The following FOXO1 variants were observed in gnomAD, a reference collection of about 807,000 sequenced individuals.
FOXO1 encodes the protein forkhead box O1.
In FOXO1, 6 loss-of-function variants were observed where a neutral mutation model predicts 44.1. The observed-to-expected ratio is 0.14, with a 90% CI of 0.07 to 0.27. The LOEUF is 0.27. Ranked by LOEUF, FOXO1 falls within the 10% of genes least tolerant of loss-of-function variation. FOXO1 has a pLI of 1.00. For synonymous variants in FOXO1, 380 were observed against 362.7 expected (o/e 1.05, Z -0.54); for missense variants, 737 against 888.8 (o/e 0.83, Z 2.17).
chr13:40,617,377 G>A (rs1377810522), intron 1 of FOXO1, among the ~76,000 whole-genome samples: 3 of 152,004 alleles, frequency 2.0e-5, no homozygotes, highest in Non-Finnish European at 2.9e-5. Context: ...CCCAGGAGGC[G>A]GAGGTTGTGG....
intron 1 of FOXO1, among the ~76,000 whole-genome samples, chr13:40,576,319 G>A (rs551073049): frequency 6.6e-6 from 1 of 152,252 alleles, no homozygotes; most frequent in South Asian, 2.1e-4. Flanking sequence ...GACAGCCAGT[G>A]GAAGATCAGA....
chr13:40,566,737 T>G (rs555069795), intron 1 of FOXO1, among the ~76,000 whole-genome samples: 1 of 152,308 alleles, frequency 6.6e-6, no homozygotes, highest in South Asian at 2.1e-4. Context: ...TATTATATAA[T>G]TACACAATAT....
intron 1 of FOXO1, among the ~76,000 whole-genome samples, chr13:40,647,019 C>T (rs777045254): frequency 2.0e-5 from 3 of 152,194 alleles, no homozygotes; most frequent in Non-Finnish European, 2.9e-5. Flanking sequence ...GCTGGTTATT[C>T]TGTGAAACTG....
chr13:40,628,690 C>A (rs955402955), intron 1 of FOXO1, among the ~76,000 whole-genome samples: 12 of 152,208 alleles, frequency 7.9e-5, no homozygotes, highest in African/African-American at 2.9e-4. Flanking sequence ...AACCTACTGA[C>A]AGAAGCAGAT....
intron 1 of FOXO1, among the ~76,000 whole-genome samples, chr13:40,606,485 G>C (rs1445391379): frequency 6.6e-6 from 1 of 151,970 alleles, no homozygotes; most frequent in Non-Finnish European, 1.5e-5. Flanking sequence ...GCTAATTTTT[G>C]TATTTTTAGT....
intron 1 of FOXO1, among the ~76,000 whole-genome samples, chr13:40,594,000 T>C (rs1398276903): frequency 1.3e-5 from 2 of 152,224 alleles, no homozygotes; most frequent in African/African-American, 4.8e-5. Flanking sequence ...TCCAAGGTTT[T>C]CTAATTTCTC....
intron 1 of FOXO1, among the ~76,000 whole-genome samples, chr13:40,650,669 T>C (rs1043955189): frequency 1.8e-4 from 27 of 152,210 alleles, no homozygotes; most frequent in African/African-American, 6.5e-4. Context: ...CAGGTAATTA[T>C]TGAAGCCTGT....
rs1193261169 is a variant in FOXO1, at chr13:40,560,071, T to A, written c.1420A>T (p.Asn474Tyr). 4 of 1,614,066 alleles carry A rather than the reference T, an allele frequency of 2.5e-6. No individual in the cohort carries two copies. The highest frequency in any genetic ancestry group is 3.4e-6 in the Non-Finnish European group (4 of 1,180,010). ...ELLTSDSPPH[N>Y]DIMTPVDPGV... ...GGATCAACTGGTGTCATAATGTCAT[T>A]ATGGGGAGGAGAGTCAGAAGTCAGC... is the stretch of plus-strand genomic sequence containing the variant. Residue 474 changes from asparagine to tyrosine, a missense_variant, in exon 2 of 3, where the codon AAT (asparagine) becomes TAT (tyrosine). Asn to Tyr is a moderately radical substitution (Grantham distance 143, BLOSUM62 -2). This residue lies in a region of FOXO1 where 283 missense variants were observed against 278.1 expected (regional missense o/e 1.02). Coordinates refer to ENST00000379561, the MANE Select transcript of FOXO1 (RefSeq NM_002015.4). This position sits in a 1 kb window ranked among gnomAD's most constrained non-coding sequence, Gnocchi z 5.1.
Position 40,666,118 on chromosome 13 carries a change from A to T in FOXO1, c.95T>A (p.Phe32Tyr), listed in dbSNP as rs866785231. Residue 32 changes from phenylalanine (F) to tyrosine (Y), a missense_variant, in exon 1 of 3, where the codon TTT (phenylalanine) becomes TAT (tyrosine). Coordinates refer to ENST00000379561, the MANE Select transcript of FOXO1 (RefSeq NM_002015.4). ...GGAGGTGGCCGAGTTGGACTGGCTA[A>T]ACTCCGGCCTGGGCAGCGGCCAGGT... ...SCTWPLPRPE[F>Y]SQSNSATSSP... is the part of the protein sequence containing the mutation. 19 of 1,440,488 alleles carry T rather than the reference A, an allele frequency of 1.3e-5. 1 individual carries two copies. The Middle Eastern group carries it at 1.5e-3, about 117-fold the overall frequency. 89.2% of individuals were successfully genotyped at this position (1,440,488 alleles called of 1,614,324 possible).
At chr13:40,581,429 C>T (rs150514078) in intron 1 of FOXO1, among the ~76,000 whole-genome samples, 2 of 152,142 alleles carry the variant, frequency 1.3e-5, no homozygotes, top group Admixed American at 6.5e-5. Flanking sequence ...TTAATTAGCC[C>T]CCATCTGCTT....
At chr13:40,608,592 C>A (rs970923613) in intron 1 of FOXO1, among the ~76,000 whole-genome samples, 1 of 152,194 alleles carries the variant, frequency 6.6e-6, no homozygotes, top group South Asian at 2.1e-4. Flanking sequence ...ACTAATGTAA[C>A]CCCTCAGAGT....
chr13:40,632,067 G>A (rs1043524400), intron 1 of FOXO1, among the ~76,000 whole-genome samples: 2 of 151,902 alleles, frequency 1.3e-5, no homozygotes, highest in Non-Finnish European at 2.9e-5. Flanking sequence ...GTCAGGAGAT[G>A]GAGACCATCC....
chr13:40,625,903 A>G (rs985153973), intron 1 of FOXO1, among the ~76,000 whole-genome samples: 11 of 152,186 alleles, frequency 7.2e-5, no homozygotes, highest in African/African-American at 2.4e-4. Context: ...ATTCAAACAA[A>G]AGAGTTTTAA....
intron 1 of FOXO1, among the ~76,000 whole-genome samples, chr13:40,593,421 C>T (rs1206059043): frequency 6.6e-6 from 1 of 152,202 alleles, no homozygotes; most frequent in Non-Finnish European, 1.5e-5. Flanking sequence ...GAAAACAGTT[C>T]ACTTCCAGGG....
At position 40,598,206 on chromosome 13, in the gene FOXO1, C is replaced by T. The variant is rs75326462; in HGVS notation, c.631-37346G>A. Among the ~76,000 whole-genome samples the T allele has an allele frequency of 6.0e-3, 920 of 152,196 alleles. 2 individuals are homozygous for T. The highest frequency in any genetic ancestry group is 0.034 in the Middle Eastern group (10 of 292). Reference sequence around the variant, plus strand: ...ATGGTTAAGTGAGCAGACAGAACACCGGCGAAACTGGCTCTTCAGGTGGAA... The same window carrying T: ...ATGGTTAAGTGAGCAGACAGAACACTGGCGAAACTGGCTCTTCAGGTGGAA... On this transcript the variant is annotated intron_variant, in intron 1 of 2. Coordinates refer to ENST00000379561, the MANE Select transcript of FOXO1 (RefSeq NM_002015.4).
intron 1 of FOXO1, among the ~76,000 whole-genome samples, chr13:40,583,012 G>C (rs1875015230): frequency 6.6e-6 from 1 of 152,152 alleles, no homozygotes. Context: ...AATAAGACTT[G>C]AAAGTCAAAA....
In FOXO1 at chr13:40,633,046, C is replaced by T. The variant is rs187340577; in HGVS notation, c.630+32537G>A. ...TATTTAGCATCAGAAAAATGGAAAA[C>T]AAAATTACAGTGATACCACTTCACA... On this transcript the variant is annotated intron_variant, in intron 1 of 2. Coordinates refer to ENST00000379561, the MANE Select transcript of FOXO1 (RefSeq NM_002015.4). Among the ~76,000 whole-genome samples, 500 of 151,500 alleles carry T rather than the reference C, an allele frequency of 3.3e-3. 12 individuals are homozygous for T. The highest frequency in any genetic ancestry group is 0.03 in the Admixed American group (459 of 15,240).
chr13:40,629,113 C>T (rs954014759), intron 1 of FOXO1, among the ~76,000 whole-genome samples: 8 of 151,302 alleles, frequency 5.3e-5, no homozygotes, highest in African/African-American at 1.9e-4. Flanking sequence ...GCCCAACCAA[C>T]AAATGGCAAT....
chr13:40,632,725 C>A (rs923141676), intron 1 of FOXO1, among the ~76,000 whole-genome samples: 2 of 151,202 alleles, frequency 1.3e-5, no homozygotes, highest in Non-Finnish European at 2.9e-5. Flanking sequence ...GGCAGACTAC[C>A]TGATGTCAGG....
Sources: gnomAD v4.1 joint callset for allele counts (sites outside exome capture counted in the v4.1 genomes callset) on GRCh38, gnomAD v4.1.1 for gene constraint, gnomAD v4.1.1 regional missense constraint, Gnocchi (gnomAD v3.1) non-coding constraint, MANE v1.5 for transcripts, NCBI Gene and HGNC (gene_info 2026-07-23, HGNC 2026-07-21) for gene names.